The following RBPJ variants were observed in gnomAD, a reference collection of about 807,000 sequenced individuals.
RBPJ encodes recombining binding protein suppressor of hairless.
Under a neutral mutation model 67.8 loss-of-function variants are expected in RBPJ, and 9 were observed. The observed-to-expected ratio is 0.13, with a 90% CI of 0.08 to 0.23. The LOEUF (loss-of-function observed/expected upper bound fraction) is 0.23, where lower values mean the gene tolerates loss of function less well. Among genes scored for constraint, RBPJ ranks in the 10% least tolerant of loss-of-function variants. RBPJ has a pLI of 1.00. For missense variants in RBPJ, 305 were observed against 595.6 expected (o/e 0.51, Z 5.08); for synonymous variants, 198 against 203.3 (o/e 0.97, Z 0.22).
chr4:26,252,670 G>C (rs1033301570), intron 1 of RBPJ, among the ~76,000 whole-genome samples: 3 of 152,146 alleles, frequency 2.0e-5, no homozygotes, highest in African/African-American at 7.2e-5. Flanking sequence ...AGTTGCATAC[G>C]TTGCTCGAGT....
intron 1 of RBPJ, among the ~76,000 whole-genome samples, chr4:26,288,786 C>T (rs28463089): frequency 5.8e-4 from 89 of 152,234 alleles, no homozygotes; most frequent in African/African-American, 2.1e-3. Flanking sequence ...GTTGTCACAA[C>T]CCCCCAGTGG....
upstream of RBPJ, among the ~76,000 whole-genome samples, chr4:26,316,470 C>T (rs375937605): frequency 1.1e-3 from 131 of 121,494 alleles, 1 homozygote; most frequent in African/African-American, 3.0e-3. Context: ...TTCATATATA[C>T]ATTCATATAT....
rs549704508 is a variant in RBPJ at position 26,250,076 on chromosome 4, G to A, written c.-167+86462G>A. Reference sequence around the variant, plus strand: ...GCTGGGATTACAGGTGTGAGCCACCGCGCCTGGCCTTCCGAACTTTTTCAT... The same window carrying A: ...GCTGGGATTACAGGTGTGAGCCACCACGCCTGGCCTTCCGAACTTTTTCAT... On this transcript the variant is annotated intron_variant, in intron 1 of 4. Transcript: ENST00000512351. Among the ~76,000 whole-genome samples the A allele has an allele frequency of 1.3e-3, 195 of 151,652 alleles. 1 individual carries two copies. Among genetic ancestry groups the A allele is most frequent in the Non-Finnish European group, 1.1e-3 (73 of 67,888 alleles).
chr4:26,278,519 C>A (rs1721154050), intron 1 of RBPJ, among the ~76,000 whole-genome samples: 1 of 152,170 alleles, frequency 6.6e-6, no homozygotes, highest in Admixed American at 6.5e-5. Flanking sequence ...AAACAAGAAT[C>A]ATTTGAATAA....
At chr4:26,341,822 G>T (rs1725570375) in intron 1 of RBPJ, among the ~76,000 whole-genome samples, 1 of 152,142 alleles carries the variant, frequency 6.6e-6, no homozygotes, top group Non-Finnish European at 1.5e-5. Context: ...GAACTAGAAG[G>T]GATTGTGGGG....
the RBPJ span, among the ~76,000 whole-genome samples, chr4:26,116,261 G>C: frequency 3.9e-5 from 6 of 152,352 alleles, no homozygotes; most frequent in African/African-American, 1.4e-4. Flanking sequence ...CAATTAACGG[G>C]CAGGGATGAT....
At chr4:26,389,347 A>G (rs1197555274) in intron 2 of RBPJ, among the ~76,000 whole-genome samples, 2 of 151,766 alleles carry the variant, frequency 1.3e-5, no homozygotes, top group Admixed American at 6.6e-5. Flanking sequence ...TTATGCACAG[A>G]GGAACAAAGA....
intron 7 of RBPJ, among the ~76,000 whole-genome samples, chr4:26,427,798 T>C (rs562917499): frequency 5.9e-5 from 9 of 152,258 alleles, no homozygotes; most frequent in Admixed American, 2.0e-4. Flanking sequence ...TTCTTTACTT[T>C]TGATTTTGAG....
chr4:26,411,037 GTGTT>G (rs1733958027), intron 3 of RBPJ, among the ~76,000 whole-genome samples: 1 of 152,186 alleles, frequency 6.6e-6, no homozygotes, highest in Non-Finnish European at 1.5e-5. Context: ...TTTTCACTGA[GTGTT>G]TGATACATAT....
chr4:26,145,309 AC>A, the RBPJ span, among the ~76,000 whole-genome samples: 1 of 152,038 alleles, frequency 6.6e-6, no homozygotes, highest in Non-Finnish European at 1.5e-5. Context: ...GTGTTTAAAA[AC>A]CCCACAACCA....
At chr4:26,247,535 C>T (rs1310652624) in intron 1 of RBPJ, among the ~76,000 whole-genome samples, 1 of 152,014 alleles carries the variant, frequency 6.6e-6, no homozygotes, top group South Asian at 2.1e-4. Flanking sequence ...CTCGGCCTCC[C>T]GAGTAGCTAG....
intron 1 of RBPJ, among the ~76,000 whole-genome samples, chr4:26,343,379 G>C (rs553602351): frequency 6.6e-6 from 1 of 152,252 alleles, no homozygotes; most frequent in South Asian, 2.1e-4. Flanking sequence ...GCTCACAGTA[G>C]CTACTGTGTG....
Position 26,338,305 on chromosome 4 carries a change from G to A in RBPJ, c.20+17257G>A, listed in dbSNP as rs1246856317. ...CGAGTAGCTGGGACTACAGGTGTGCGCCACCATGCCCAGCTAATTTTTGTA... is the reference window on the plus strand; with the variant it reads ...CGAGTAGCTGGGACTACAGGTGTGCACCACCATGCCCAGCTAATTTTTGTA... On this transcript the variant is annotated intron_variant, in intron 1 of 10. Transcript: ENST00000355476. Among the ~76,000 whole-genome samples, 13 of 151,400 alleles carry A rather than the reference G, an allele frequency of 8.6e-5. No individual in the cohort carries two copies. In the East Asian group the frequency reaches 2.3e-3, roughly 27 times the overall value.
chr4:26,182,959 C>T (rs193200345), intron 1 of RBPJ, among the ~76,000 whole-genome samples: 1 of 152,318 alleles, frequency 6.6e-6, no homozygotes, highest in East Asian at 1.9e-4. Context: ...CCTATGATAA[C>T]AATACCTTCT....
At chr4:26,307,684 C>T (rs1722282281) in intron 1 of RBPJ, among the ~76,000 whole-genome samples, 1 of 152,012 alleles carries the variant, frequency 6.6e-6, no homozygotes. Flanking sequence ...AAAAGTTATT[C>T]TGAGGGTAAA....
chr4:26,383,714 G>C (rs1304873279), intron 1 of RBPJ, among the ~76,000 whole-genome samples: 1 of 152,126 alleles, frequency 6.6e-6, no homozygotes, highest in Non-Finnish European at 1.5e-5. Context: ...CATTTAATCG[G>C]TGTAAAAAAT....
intron 1 of RBPJ, among the ~76,000 whole-genome samples, chr4:26,242,716 A>T (rs1719689058): frequency 6.6e-6 from 1 of 151,502 alleles, no homozygotes; most frequent in Non-Finnish European, 1.5e-5. Context: ...AAAAAAAAAA[A>T]AAAAAAAAAA....
At chr4:26,284,806 A>G (rs1291282427) in intron 1 of RBPJ, among the ~76,000 whole-genome samples, 1 of 152,050 alleles carries the variant, frequency 6.6e-6, no homozygotes, top group Non-Finnish European at 1.5e-5. Context: ...ATTAAAAACA[A>G]CAACAACCAG....
intron 4 of RBPJ, among the ~76,000 whole-genome samples, chr4:26,417,893 C>T (rs1256615392): frequency 1.3e-5 from 2 of 152,158 alleles, no homozygotes; most frequent in African/African-American, 4.8e-5. Flanking sequence ...CAACAAAATT[C>T]TAGTATATCT....
Sources: gnomAD v4.1 joint callset for allele counts (sites outside exome capture counted in the v4.1 genomes callset) on GRCh38, gnomAD v4.1.1 for gene constraint, MANE v1.5 for transcripts, NCBI Gene and HGNC (gene_info 2026-07-23, HGNC 2026-07-21) for gene names.